PBX3: variants seen among roughly 807,000 people sequenced by gnomAD.
PBX3 encodes the protein pre-B-cell leukemia transcription factor 3.
Under a neutral mutation model 48.5 loss-of-function variants are expected in PBX3, and 14 were observed. The observed-to-expected ratio is 0.29, with a 90% CI of 0.19 to 0.45. PBX3 has a LOEUF of 0.45. Ranked by LOEUF, PBX3 falls within the 20% of genes least tolerant of loss-of-function variation. The pLI, the probability that PBX3 is intolerant of heterozygous loss-of-function variation, is 1.00. For synonymous variants in PBX3, 210 were observed against 200.3 expected, an observed-to-expected ratio of 1.05 and a Z score of -0.41; for missense variants, 386 against 546.7, an observed-to-expected ratio of 0.71 and a Z score of 2.93.
At chr9:125,816,213 G>C (rs1838457799) in intron 2 of PBX3, among the ~76,000 whole-genome samples, 1 of 152,090 alleles carries the variant, frequency 6.6e-6, no homozygotes, top group Non-Finnish European at 1.5e-5. Flanking sequence ...GCCCAGGCTG[G>C]TCTTGAACTC....
intron 3 of PBX3, among the ~76,000 whole-genome samples, chr9:125,926,644 C>T (rs1841583891): frequency 6.6e-6 from 1 of 151,336 alleles, no homozygotes; most frequent in South Asian, 2.1e-4. Flanking sequence ...TGGTGAAACC[C>T]CATCTCTACT....
At position 125,897,394 on chromosome 9, in the gene PBX3, T is replaced by C. The variant is rs980132007; in HGVS notation, c.275-18292T>C. On this transcript the variant is annotated intron_variant, in intron 2 of 8. Transcript: ENST00000373489. ...CCATCCAATCAAACTGAAGAACTTA[T>C]TAAGAGTACCAGAAAGAATAGAGTA... 1.1e-4 allele frequency among the ~76,000 whole-genome samples: 16 copies of C among 151,874 alleles called. 1 individual carries two copies. The highest frequency in any genetic ancestry group is 4.1e-4 in the South Asian group (2 of 4,830).
intron 2 of PBX3, among the ~76,000 whole-genome samples, chr9:125,754,911 TTTCTAC>T (rs1836471683): frequency 6.6e-6 from 1 of 152,072 alleles, no homozygotes; most frequent in Non-Finnish European, 1.5e-5. Context: ...TGTTAAAAGT[TTTCTAC>T]TTCTTTCAAC....
chr9:125,780,995 A>G (rs1165929925), intron 2 of PBX3, among the ~76,000 whole-genome samples: 4 of 95,782 alleles, frequency 4.2e-5, no homozygotes, highest in Non-Finnish European at 6.0e-5. Context: ...CACTTCCTAG[A>G]TGGGATGGCG....
At chr9:125,780,202 ACCTC>A (rs1244266416) in intron 2 of PBX3, among the ~76,000 whole-genome samples, 1 of 98,794 alleles carries the variant, frequency 1.0e-5, no homozygotes, top group Admixed American at 1.1e-4. Flanking sequence ...TGATCCCCCC[ACCTC>A]CCTCCCGGAC....
At chr9:125,889,241 T>G (rs1047074879) in intron 2 of PBX3, among the ~76,000 whole-genome samples, 1 of 152,232 alleles carries the variant, frequency 6.6e-6, no homozygotes, top group African/African-American at 2.4e-5. Flanking sequence ...GAGAGCTGTC[T>G]CCTGGTCCGG....
intron 2 of PBX3, among the ~76,000 whole-genome samples, chr9:125,834,242 A>G (rs1264602949): frequency 6.6e-6 from 1 of 152,136 alleles, no homozygotes; most frequent in African/African-American, 2.4e-5. Context: ...AGGTTTCTGT[A>G]AGAGAAGGAA....
At chr9:125,850,298 T>C (rs778863801) in intron 2 of PBX3, among the ~76,000 whole-genome samples, 4 of 152,056 alleles carry the variant, frequency 2.6e-5, no homozygotes, top group Admixed American at 1.3e-4. Context: ...TTGGAACATA[T>C]GTGTCTTTGA....
chr9:125,926,270 A>G (rs994565288), intron 3 of PBX3, among the ~76,000 whole-genome samples: 44 of 152,248 alleles, frequency 2.9e-4, no homozygotes, highest in African/African-American at 1.1e-3. Flanking sequence ...CTGTAATCCC[A>G]GCACTTTGGG....
intron 2 of PBX3, among the ~76,000 whole-genome samples, chr9:125,817,458 T>C (rs1838498480): frequency 6.6e-6 from 1 of 152,172 alleles, no homozygotes; most frequent in Admixed American, 6.5e-5. Flanking sequence ...CTGGGGTTTG[T>C]GCGATAGATA....
chr9:125,747,467 C>G lies in PBX3; in HGVS notation c.14C>G (p.Ser5Cys). The stretch of plus-strand genomic sequence containing the variant: ...GCGCGCGGCGGGATGGACGATCAAT[C>G]CAGGATGCTGCAGACTCTGGCCGGG... MDDQ[S>C]RMLQTLAGVN... is the part of the protein sequence containing the mutation. Residue 5 changes from serine (S) to cysteine (C), a missense_variant, in exon 1 of 9, where the codon TCC (serine) becomes TGC (cysteine). Coordinates refer to ENST00000373489, the MANE Select transcript of PBX3 (RefSeq NM_006195.6). 6.4e-7 allele frequency: 1 copy of G among 1,564,078 alleles called. No homozygotes were observed. Among genetic ancestry groups the G allele is most frequent in the Non-Finnish European group, 8.6e-7 (1 of 1,156,936 alleles).
At chr9:125,794,788 G>A (rs1347237801) in intron 2 of PBX3, among the ~76,000 whole-genome samples, 2 of 136,154 alleles carry the variant, frequency 1.5e-5, no homozygotes, top group Non-Finnish European at 1.6e-5. Flanking sequence ...CAATTCCAAA[G>A]ATAACAAGGT....
chr9:125,890,896 A>T (rs1027098742), intron 2 of PBX3, among the ~76,000 whole-genome samples: 1 of 152,188 alleles, frequency 6.6e-6, no homozygotes, highest in Non-Finnish European at 1.5e-5. Flanking sequence ...AAAATAAAGG[A>T]TTGTGTGCAC....
At chr9:125,780,920 G>C (rs544921730) in intron 2 of PBX3, among the ~76,000 whole-genome samples, 1 of 140,688 alleles carries the variant, frequency 7.1e-6, no homozygotes, top group African/African-American at 2.7e-5. Context: ...CTTCTCAGAG[G>C]GGGCAGCTGG....
chr9:125,852,728 T>G (rs1008471485), intron 2 of PBX3, among the ~76,000 whole-genome samples: 1 of 152,180 alleles, frequency 6.6e-6, no homozygotes, highest in Non-Finnish European at 1.5e-5. Flanking sequence ...TCCCAGGAAA[T>G]GTTAAATTCA....
chr9:125,831,409 G>C (rs1447861249), intron 2 of PBX3, among the ~76,000 whole-genome samples: 3 of 150,054 alleles, frequency 2.0e-5, no homozygotes, highest in Admixed American at 6.6e-5. Flanking sequence ...TATTCTTTCT[G>C]TATTTATTAG....
intron 2 of PBX3, among the ~76,000 whole-genome samples, chr9:125,884,292 A>G (rs1379715962): frequency 1.3e-5 from 2 of 152,164 alleles, no homozygotes; most frequent in African/African-American, 2.4e-5. Context: ...CAAGTGCCAA[A>G]ATGTTGTGTT....
intron 2 of PBX3, among the ~76,000 whole-genome samples, chr9:125,791,960 T>A (rs759037245): frequency 3.3e-5 from 5 of 152,100 alleles, no homozygotes; most frequent in Non-Finnish European, 7.4e-5. Flanking sequence ...TGTGAGTCAG[T>A]TAAACCTCTT....
chr9:125,905,881 T>C (rs1372937219), intron 2 of PBX3, among the ~76,000 whole-genome samples: 1 of 152,070 alleles, frequency 6.6e-6, no homozygotes, highest in Non-Finnish European at 1.5e-5. Flanking sequence ...CTGAAGCTTC[T>C]GCCATTGTCC....
Sources: allele counts gnomAD v4.1 joint callset (sites outside exome capture counted in the v4.1 genomes callset), GRCh38; gene constraint gnomAD v4.1.1; transcripts MANE v1.5; gene names NCBI Gene and HGNC (gene_info 2026-07-23, HGNC 2026-07-21).